The following CFAP65 variants were observed in gnomAD, a reference collection of about 807,000 sequenced individuals.
CFAP65 encodes cilia- and flagella-associated protein 65.
A neutral mutation model predicts 208.0 loss-of-function variants in CFAP65; 155 were observed. That is an observed-to-expected ratio of 0.75 (90% CI 0.65 to 0.85). CFAP65 has a LOEUF of 0.85. Ranked by LOEUF, CFAP65 falls within the 40% of genes least tolerant of loss-of-function variation. The pLI is 0.00. For missense variants in CFAP65, 2,294 were observed against 2,451.3 expected (o/e 0.94, Z 1.36); for synonymous variants, 970 against 986.3 (o/e 0.98, Z 0.31).
At chr2:219,040,395 G>T in intron 2 of CFAP65, 124 bp downstream of exon 2, 75 of 626,402 alleles carry the variant, frequency 1.2e-4, no homozygotes, top group Non-Finnish European at 1.7e-4. Flanking sequence ...TTTCCTAGTT[G>T]GCAACATGTC....
chr2:219,041,330 G>T, intron 1 of CFAP65, 158 bp downstream of exon 1: 2 of 666,068 alleles, frequency 3.0e-6, no homozygotes, highest in East Asian at 2.8e-5. Flanking sequence ...GATTGATCTC[G>T]CCCAAGACTC....
At position 219,029,508 on chromosome 2, in the gene CFAP65, G is replaced by T. The variant is rs757533212; in HGVS notation, c.1545C>A (p.Ala515=). 1.9e-6 allele frequency: 3 copies of T among 1,613,984 alleles called. No individual in the cohort carries two copies. The highest frequency in any genetic ancestry group is 2.5e-6 in the Non-Finnish European group (3 of 1,180,028). ...GGGCCTTGCCCACCAGCGTCCCAAAGGCAGGCCTGATGGTAAAGACACTCT... is the reference window on the plus strand; with the variant it reads ...GGGCCTTGCCCACCAGCGTCCCAAATGCAGGCCTGATGGTAAAGACACTCT... ...CLESVFTIRP[A]FGTLVGKARM... is the part of the protein sequence containing the mutation. The change falls in exon 11 of 35, where the codon GCC becomes GCA. Residue 515 remains alanine (A), a synonymous_variant. Coordinates refer to ENST00000341552, the MANE Select transcript of CFAP65 (RefSeq NM_194302.4).
intron 24 of CFAP65, among the ~76,000 whole-genome samples, chr2:219,011,564 G>C (rs1574544042): frequency 6.6e-6 from 1 of 152,078 alleles, no homozygotes; most frequent in Admixed American, 6.5e-5. Flanking sequence ...TTACAGGCTT[G>C]AGCCACTGCG....
chr2:219,010,855 T>C lies in CFAP65; in HGVS notation c.4099A>G (p.Thr1367Ala), dbSNP rs2106102972. 6.2e-7 allele frequency: 1 copy of C among 1,613,502 alleles called. No individual in the cohort carries two copies. Among genetic ancestry groups the C allele is most frequent in the East Asian group, 2.2e-5 (1 of 44,888 alleles). The change falls in exon 25 of 35, where the codon ACT becomes GCT. Residue 1367 changes from threonine to alanine, a missense_variant. Physicochemically the swap from Thr to Ala is moderately conservative, Grantham distance 58. This residue lies in a region of CFAP65 where 1,427 missense variants were observed against 1,438.7 expected (regional missense o/e 0.99). Transcript: ENST00000341552. ...NPKGEIQPGS[T>A]ARVLWIFSPI... ...GAGAAGATCCACAAGACCCGGGCAG[T>C]GCTGCCTGGCTGGATCTCCCCTTTG...
chr2:219,004,911 CTT>C lies in CFAP65; in HGVS notation c.5052-458_5052-457del, dbSNP rs371638062. ...TCTCTCTCTCTCTATTTCTCTCTTT[CTT>C]TCTCTCTCTTTCTCTCCTCTTTTTT... On this transcript the variant is annotated intron_variant, in intron 32 of 34. Coordinates refer to ENST00000341552, the MANE Select transcript of CFAP65 (RefSeq NM_194302.4). This position sits in a 1 kb window ranked among gnomAD's most constrained non-coding sequence, Gnocchi z 4.7. Among the ~76,000 whole-genome samples, 140 of 150,166 alleles carry C rather than the reference CTT, an allele frequency of 9.3e-4. 1 individual carries two copies. Among genetic ancestry groups the C allele is most frequent in the African/African-American group, 3.4e-3 (136 of 40,338 alleles).
Position 219,019,573 on chromosome 2 carries a change from G to A in CFAP65, c.3406C>T (p.Leu1136Phe). Residue 1136 changes from leucine (L) to phenylalanine (F), a missense_variant, in exon 20 of 35, where the codon CTT becomes TTT. Transcript: ENST00000341552. ...GGGTCACGCTCCAAGTAACTGTTAA[G>A]CAGGTCCAGAGAGAAGAGGCGCCAC... ...HLWRLFSLDL[L>F]NSYLERDPTP... The A allele has an allele frequency of 6.2e-7, 1 of 1,613,756 alleles. No homozygotes were observed. The highest frequency in any genetic ancestry group is 8.5e-7 in the Non-Finnish European group (1 of 1,180,028).
chr2:219,006,157 T>C lies in CFAP65; in HGVS notation c.4786A>G (p.Lys1596Glu), dbSNP rs1945957264. The C allele has an allele frequency of 6.2e-7, 1 of 1,613,262 alleles. No individual in the cohort carries two copies. ...GGGCAGGGCCAGGACACCTCCTCCTTTGGGGTCTGCAGTTTCCAGCTGGCA... is the reference window on the plus strand; with the variant it reads ...GGGCAGGGCCAGGACACCTCCTCCTCTGGGGTCTGCAGTTTCCAGCTGGCA... ...RPASWKLQTP[K>E]EEVSWPCPQP... is the part of the protein sequence containing the mutation. The change falls in exon 31 of 35, where the codon AAG becomes GAG. Residue 1596 changes from lysine (K) to glutamate (E), a missense_variant. Around this residue, in one of 2 missense-constraint regions of CFAP65, gnomAD observed 1,427 missense variants for 1,438.7 expected, o/e 0.99. Transcript: ENST00000341552.
At chr2:219,029,821 A>G (rs1947895204) in intron 10 of CFAP65, 153 bp from the exon 11 acceptor site, 2 of 1,146,756 alleles carry the variant, frequency 1.7e-6, no homozygotes, top group South Asian at 3.0e-5. Flanking sequence ...TGGGACTGGG[A>G]TCTCCAGGTA....
intron 21 of CFAP65, among the ~76,000 whole-genome samples, chr2:219,017,546 A>C (rs1946983199): frequency 6.6e-6 from 1 of 152,284 alleles, no homozygotes; most frequent in South Asian, 2.1e-4. Context: ...AAAGCATAGG[A>C]GAGTCAATCT....
chr2:219,030,643 A>G (rs369980876), intron 9 of CFAP65, 46 bp downstream of exon 9: 6 of 1,593,274 alleles, frequency 3.8e-6, no homozygotes, highest in Non-Finnish European at 8.6e-7. Flanking sequence ...AGGAAATTCC[A>G]ATCCTGGGGG....
At chr2:219,010,227 A>C in intron 26 of CFAP65, 142 bp from the exon 27 acceptor site, 1 of 725,618 alleles carries the variant, frequency 1.4e-6, no homozygotes, top group Non-Finnish European at 2.2e-6. Context: ...CCCTTTTGAC[A>C]CCTTTCAACA....
intron 15 of CFAP65, 51 bp from the exon 16 acceptor site, chr2:219,023,482 GC>G: frequency 1.5e-6 from 2 of 1,333,602 alleles, no homozygotes; most frequent in Non-Finnish European, 2.1e-6. Flanking sequence ...TGCAGTCCCA[GC>G]CCCCCACAAC....
rs1249534382 is a variant in CFAP65 at position 219,027,272 on chromosome 2, T to G, written c.2211+378A>C. 4 of 1,376,414 alleles carry G rather than the reference T, an allele frequency of 2.9e-6. No individual in the cohort carries two copies. In the African/African-American group the frequency reaches 4.4e-5, roughly 15 times the overall value. The allele number at this position is 1,376,414 out of a possible 1,614,324, so 85.3% of individuals were successfully genotyped here. On this transcript the variant is annotated intron_variant, in intron 13 of 34. Transcript: ENST00000341552. ...TGCTGACTTTGTCTCTAGGCCCAGC[T>G]TCCTGCCCGCTCAAAGCTCCTTTAG... is the stretch of plus-strand genomic sequence containing the variant.
chr2:219,035,100 GA>G (rs75235414), intron 5 of CFAP65: 34,725 of 316,926 alleles, frequency 0.11, 414 homozygotes, highest in African/African-American at 0.17. Flanking sequence ...AACTACGCAG[GA>G]AAAAAAAAAA....
At position 219,039,104 on chromosome 2, in the gene CFAP65, C is replaced by T. The variant is rs565693925; in HGVS notation, c.-2-54G>A. 24 of 1,448,566 alleles carry T rather than the reference C, an allele frequency of 1.7e-5. No individual in the cohort carries two copies. The South Asian group carries it at 2.5e-4, about 15-fold the overall frequency. The allele number at this position is 1,448,566 out of a possible 1,614,324, so 89.7% of individuals were successfully genotyped here. A position where few individuals can be genotyped will look rare whatever the true frequency, so the allele number is the denominator to read the frequency against. ...AATCCATCTCCAGAGCAGAGGGATC[C>T]TCGATGACTGTAGCTGAAATCATAT... On this transcript the variant is annotated intron_variant, in intron 2 of 34. Transcript: ENST00000341552.
intron 13 of CFAP65, chr2:219,026,960 T>G (rs1947672325): frequency 3.0e-6 from 3 of 987,212 alleles, no homozygotes; most frequent in Admixed American, 6.0e-5. Flanking sequence ...GATGAAAAGA[T>G]CAGGACTCAG....
chr2:219,022,581 C>G (rs1159773799), intron 16 of CFAP65, among the ~76,000 whole-genome samples: 1 of 152,180 alleles, frequency 6.6e-6, no homozygotes, highest in African/African-American at 2.4e-5. Context: ...GAAGTGGGGT[C>G]CCTTGCCCAG....
chr2:219,041,409 C>G (rs1948648443), intron 1 of CFAP65, 79 bp downstream of exon 1: 1 of 1,479,170 alleles, frequency 6.8e-7, no homozygotes, highest in Non-Finnish European at 9.2e-7. Context: ...GATAGGGTCT[C>G]CCGGGACAGA....
chr2:219,003,065 G>T lies in CFAP65; in HGVS notation c.5694-44C>A, dbSNP rs372088760. ...CAGGTAGGCGTGGGGGCGAGGCTTC[G>T]GGCAGAGCCTGGCTGCCCCCGTGGC... On this transcript the variant is annotated intron_variant, in intron 34 of 34. Transcript: ENST00000341552. This position sits in a 1 kb window ranked among gnomAD's most constrained non-coding sequence, Gnocchi z 4.4. The T allele has an allele frequency of 3.2e-6, 5 of 1,550,480 alleles. No individual in the cohort carries two copies. The South Asian group carries it at 3.6e-5, about 11-fold the overall frequency.
Sources: allele counts gnomAD v4.1 joint callset (sites outside exome capture counted in the v4.1 genomes callset), GRCh38; gene constraint gnomAD v4.1.1; regional missense constraint gnomAD v4.1.1; non-coding constraint Gnocchi (gnomAD v3.1); transcripts MANE v1.5; gene names NCBI Gene and HGNC (gene_info 2026-07-23, HGNC 2026-07-21).